PTPRD: variants seen among roughly 807,000 people sequenced by gnomAD.
PTPRD encodes protein tyrosine phosphatase receptor type D.
A neutral mutation model predicts 214.5 loss-of-function variants in PTPRD; 34 were observed. The ratio of observed to expected loss-of-function variants is 0.16; its 90% CI spans 0.12 to 0.21. The LOEUF is 0.21. Among genes scored for constraint, PTPRD ranks in the 10% least tolerant of loss-of-function variants. PTPRD has a pLI of 1.00. For synonymous variants in PTPRD, 1,128 were observed against 845.7 expected (o/e 1.33, Z -5.79); for missense variants, 2,545 against 2,398.7 (o/e 1.06, Z -1.27).
intron 3 of PTPRD, among the ~76,000 whole-genome samples, chr9:10,314,661 G>A (rs887311648): frequency 2.6e-5 from 4 of 151,836 alleles, no homozygotes; most frequent in African/African-American, 9.7e-5. Context: ...ATTAGATAGA[G>A]ATAATAGATG....
intron 9 of PTPRD, among the ~76,000 whole-genome samples, chr9:9,254,219 A>T (rs1480511510): frequency 1.3e-5 from 2 of 152,096 alleles, no homozygotes; most frequent in African/African-American, 4.8e-5. Flanking sequence ...GGCACCATTC[A>T]GCCACTACCC....
At chr9:9,518,632 AG>A (rs2096892270) in intron 8 of PTPRD, among the ~76,000 whole-genome samples, 1 of 152,090 alleles carries the variant, frequency 6.6e-6, no homozygotes, top group South Asian at 2.1e-4. Flanking sequence ...GGGACCCGAA[AG>A]GGCATTAAAT....
chr9:8,651,238 T>G (rs571402180), intron 12 of PTPRD, among the ~76,000 whole-genome samples: 48 of 152,278 alleles, frequency 3.2e-4, no homozygotes, highest in African/African-American at 1.1e-3. Context: ...TCTCTGCATT[T>G]TCACACAGTG....
At chr9:8,889,432 C>T (rs2098518751) in intron 11 of PTPRD, among the ~76,000 whole-genome samples, 1 of 152,068 alleles carries the variant, frequency 6.6e-6, no homozygotes, top group Non-Finnish European at 1.5e-5. Context: ...TGAGATCACC[C>T]AGCCTAATTC....
chr9:9,862,249 GAC>G (rs1200615555), intron 5 of PTPRD, among the ~76,000 whole-genome samples: 1 of 150,398 alleles, frequency 6.6e-6, no homozygotes, highest in Non-Finnish European at 1.5e-5. Context: ...GAAAAGCAAA[GAC>G]ACATTTAGAC....
chr9:9,612,214 G>C (rs2094549402), intron 7 of PTPRD, among the ~76,000 whole-genome samples: 1 of 151,494 alleles, frequency 6.6e-6, no homozygotes, highest in Non-Finnish European at 1.5e-5. Context: ...TATCTGTAGG[G>C]GGAATAAAAA....
At chr9:8,650,461 G>A (rs999769579) in intron 12 of PTPRD, among the ~76,000 whole-genome samples, 3 of 150,822 alleles carry the variant, frequency 2.0e-5, no homozygotes, top group Non-Finnish European at 4.4e-5. Context: ...GGAGGCAGAG[G>A]TTGCGGTGAG....
chr9:8,643,704 GGGC>G (rs2096626711), intron 12 of PTPRD, among the ~76,000 whole-genome samples: 1 of 152,220 alleles, frequency 6.6e-6, no homozygotes, highest in Non-Finnish European at 1.5e-5. Context: ...GCACATGTTG[GGGC>G]AGCACTGAGA....
chr9:9,855,292 C>A (rs1026218762), intron 5 of PTPRD, among the ~76,000 whole-genome samples: 2 of 152,102 alleles, frequency 1.3e-5, no homozygotes, highest in Admixed American at 1.3e-4. Flanking sequence ...TTATACAAAG[C>A]TTTGAAGTAT....
intron 5 of PTPRD, among the ~76,000 whole-genome samples, chr9:9,927,542 T>C (rs549138461): frequency 2.6e-5 from 4 of 152,286 alleles, no homozygotes; most frequent in Admixed American, 2.0e-4. Context: ...TGGAAAACAA[T>C]TGGTGTCTGA....
chr9:10,527,350 A>G (rs1440616014), intron 2 of PTPRD, among the ~76,000 whole-genome samples: 2 of 152,194 alleles, frequency 1.3e-5, no homozygotes, highest in Admixed American at 6.6e-5. Flanking sequence ...GAGACTAGGT[A>G]ACAATAATTA....
intron 2 of PTPRD, among the ~76,000 whole-genome samples, chr9:10,581,375 C>A (rs1419874624): frequency 6.6e-6 from 1 of 152,128 alleles, no homozygotes; most frequent in African/African-American, 2.4e-5. Flanking sequence ...TGAAAGGAGA[C>A]TGACAAGTTT....
chr9:9,177,814 T>C (rs1302541462), intron 10 of PTPRD, among the ~76,000 whole-genome samples: 1 of 152,138 alleles, frequency 6.6e-6, no homozygotes, highest in Non-Finnish European at 1.5e-5. Context: ...TATAAAGGCA[T>C]CTTAAAACAT....
intron 7 of PTPRD, among the ~76,000 whole-genome samples, chr9:9,596,060 T>C (rs1174376207): frequency 6.6e-6 from 1 of 152,048 alleles, no homozygotes; most frequent in Non-Finnish European, 1.5e-5. Context: ...CAAGAGTTTG[T>C]GTTTAATCAA....
At chr9:9,499,705 A>G (rs1365656834) in intron 8 of PTPRD, among the ~76,000 whole-genome samples, 1 of 152,040 alleles carries the variant, frequency 6.6e-6, no homozygotes, top group Non-Finnish European at 1.5e-5. Context: ...TACTTTATTC[A>G]ATAATGCTGA....
intron 26 of PTPRD, 137 bp downstream of exon 26, chr9:8,497,105 T>G: frequency 1.4e-6 from 1 of 739,288 alleles, no homozygotes; most frequent in Non-Finnish European, 2.2e-6. Flanking sequence ...CACCACACAG[T>G]GAAGATAACT....
chr9:9,798,497 G>A (rs1482505954), intron 5 of PTPRD, among the ~76,000 whole-genome samples: 4 of 152,140 alleles, frequency 2.6e-5, no homozygotes, highest in South Asian at 2.1e-4. Flanking sequence ...ACATAAGGAC[G>A]TTCCTTTCTT....
intron 14 of PTPRD, among the ~76,000 whole-genome samples, chr9:8,557,284 C>A (rs1026334709): frequency 6.6e-6 from 1 of 151,948 alleles, no homozygotes; most frequent in African/African-American, 2.4e-5. Context: ...AAATCAACAG[C>A]TTGCCTAAGA....
intron 8 of PTPRD, among the ~76,000 whole-genome samples, chr9:9,482,047 C>T (rs1263221998): frequency 2.6e-5 from 4 of 152,080 alleles, no homozygotes; most frequent in African/African-American, 7.2e-5. Context: ...TACTCTGCCA[C>T]ATGAATCCCA....
Sources: allele counts gnomAD v4.1 joint callset (sites outside exome capture counted in the v4.1 genomes callset), GRCh38; gene constraint gnomAD v4.1.1; transcripts MANE v1.5; gene names NCBI Gene and HGNC (gene_info 2026-07-23, HGNC 2026-07-21).